The following NTN1 variants were observed in gnomAD, a reference collection of about 807,000 sequenced individuals.
The protein encoded by NTN1 is netrin 1, also known as netrin-1.
Under a neutral mutation model 54.2 loss-of-function variants are expected in NTN1, and 11 were observed. The observed-to-expected ratio is 0.20, with a 90% confidence interval of 0.13 to 0.34. The LOEUF (loss-of-function observed/expected upper bound fraction) is 0.34. NTN1 is among the 10% of genes least tolerant of loss of function. NTN1 has a pLI of 1.00. For synonymous variants in NTN1, 371 were observed against 382.0 expected (o/e 0.97, Z 0.33); for missense variants, 740 against 893.1 (o/e 0.83, Z 2.18).
At chr17:9,077,314 C>T (rs1423083081) in intron 2 of NTN1, among the ~76,000 whole-genome samples, 2 of 152,108 alleles carry the variant, frequency 1.3e-5, no homozygotes, top group African/African-American at 4.8e-5. Flanking sequence ...GTTTGAGGAA[C>T]GGCCCCAGGA....
At chr17:9,068,512 ATTT>A (rs34047213) in intron 2 of NTN1, among the ~76,000 whole-genome samples, 1 of 141,192 alleles carries the variant, frequency 7.1e-6, no homozygotes, top group African/African-American at 2.6e-5. Flanking sequence ...GTATGTGTGA[ATTT>A]TTTTTTTTTT....
At chr17:9,082,285 T>C (rs2092073908) in intron 2 of NTN1, among the ~76,000 whole-genome samples, 1 of 152,212 alleles carries the variant, frequency 6.6e-6, no homozygotes, top group South Asian at 2.1e-4. Flanking sequence ...GGTCTCAAAC[T>C]CCTGACCTCA....
At chr17:9,050,715 G>C (rs933083829) in intron 2 of NTN1, among the ~76,000 whole-genome samples, 4 of 149,256 alleles carry the variant, frequency 2.7e-5, no homozygotes, top group African/African-American at 5.0e-5. Context: ...TCCCAGCTCT[G>C]TCATGTACCA....
chr17:9,202,221 A>G (rs1904820382), intron 5 of NTN1, among the ~76,000 whole-genome samples: 1 of 152,060 alleles, frequency 6.6e-6, no homozygotes, highest in Non-Finnish European at 1.5e-5. Flanking sequence ...AGCCTGGATG[A>G]CAGAGTGAGA....
intron 5 of NTN1, among the ~76,000 whole-genome samples, chr17:9,195,285 CCT>C (rs1327047679): frequency 2.0e-5 from 3 of 151,964 alleles, no homozygotes; most frequent in Non-Finnish European, 2.9e-5. Context: ...CCATTGTTCC[CCT>C]GTCTCTGGGC....
At chr17:9,210,260 C>T (rs1394976250) in intron 5 of NTN1, among the ~76,000 whole-genome samples, 1 of 152,080 alleles carries the variant, frequency 6.6e-6, no homozygotes, top group Non-Finnish European at 1.5e-5. Context: ...CCTGCCCTGC[C>T]TCCTTTGCAC....
In NTN1 at chr17:9,023,267, C is replaced by T. The variant is rs2151506829; in HGVS notation, c.894C>T (p.Arg298=). The change falls in exon 2 of 7, where the codon CGC becomes CGT. Residue 298 remains arginine (R), a synonymous_variant. Transcript: ENST00000173229. ...NGHAARCVRD[R]DDSLVCDCRH... ...ACGCGGCCCGCTGCGTGCGCGACCG[C>T]GACGACAGCCTGGTGTGCGACTGCA... 2.6e-6 allele frequency: 4 copies of T among 1,560,544 alleles called. No individual in the cohort carries two copies. In the African/African-American group the frequency reaches 4.1e-5, roughly 16 times the overall value.
chr17:9,222,761 T>A (rs1905403258), intron 6 of NTN1, among the ~76,000 whole-genome samples: 1 of 152,176 alleles, frequency 6.6e-6, no homozygotes, highest in Non-Finnish European at 1.5e-5. Context: ...GGCCAGCTGC[T>A]TGAACAAGGC....
intron 5 of NTN1, among the ~76,000 whole-genome samples, chr17:9,215,250 T>TACATACACAC: frequency 7.2e-6 from 1 of 138,320 alleles, no homozygotes; most frequent in East Asian, 2.0e-4. Context: ...GCTAGATAGA[T>TACATACACAC]ACACACACAC....
intron 3 of NTN1, among the ~76,000 whole-genome samples, chr17:9,169,046 A>C (rs1298345586): frequency 6.6e-6 from 1 of 152,246 alleles, no homozygotes; most frequent in Non-Finnish European, 1.5e-5. Context: ...TTTCACTCCA[A>C]CTGTGATCTG....
chr17:9,038,652 C>G (rs2091911411), intron 2 of NTN1, among the ~76,000 whole-genome samples: 1 of 152,098 alleles, frequency 6.6e-6, no homozygotes, highest in African/African-American at 2.4e-5. Flanking sequence ...CTTTCTCTAT[C>G]CTCCCTGCTG....
At chr17:9,009,835 G>C in the NTN1 span, among the ~76,000 whole-genome samples, 1 of 152,150 alleles carries the variant, frequency 6.6e-6, no homozygotes, top group African/African-American at 2.4e-5. Flanking sequence ...CCCTAGGTGT[G>C]GCTGAATGAG....
intron 2 of NTN1, among the ~76,000 whole-genome samples, chr17:9,084,006 T>C (rs2092082059): frequency 6.6e-6 from 1 of 152,096 alleles, no homozygotes; most frequent in Non-Finnish European, 1.5e-5. Flanking sequence ...TGAAAAAGCG[T>C]CTATCATGGG....
At chr17:9,170,547 C>A (rs2092384637) in intron 3 of NTN1, among the ~76,000 whole-genome samples, 1 of 152,148 alleles carries the variant, frequency 6.6e-6, no homozygotes, top group Admixed American at 6.5e-5. Context: ...AATGCTGTTG[C>A]ACACTCTCAA....
intron 5 of NTN1, among the ~76,000 whole-genome samples, chr17:9,187,550 G>A (rs1052189193): frequency 1.2e-4 from 17 of 147,210 alleles, no homozygotes; most frequent in Middle Eastern, 3.4e-3. Context: ...GGTGGCTCAC[G>A]CCCATAATCC....
chr17:9,060,924 C>T (rs993958056), intron 2 of NTN1, among the ~76,000 whole-genome samples: 1 of 130,702 alleles, frequency 7.7e-6, no homozygotes, highest in African/African-American at 3.0e-5. Context: ...TGCAGTGAGC[C>T]GAGATTGTAC....
Position 9,086,215 on chromosome 17 carries a change from CAAAT to C in NTN1, c.1018+62827_1018+62830del, listed in dbSNP as rs376411102. Among the ~76,000 whole-genome samples, 123 of 152,128 alleles carry C rather than the reference CAAAT, an allele frequency of 8.1e-4. 4 individuals carry two copies. The East Asian group carries it at 0.017, about 21-fold the overall frequency. On this transcript the variant is annotated intron_variant, in intron 2 of 6. Transcript: ENST00000173229. ...TGGTGTCTTCAAAAATAAAAACTAA[CAAAT>C]AAGCCGAGTGCAGTGGTCCTTGCCT...
chr17:9,225,342 G>A lies in NTN1; in HGVS notation c.1486+4100G>A, dbSNP rs191381360. On this transcript the variant is annotated intron_variant, in intron 6 of 6. Transcript: ENST00000173229. ...AGGCAGGAGGCAGGCCAAGAACAAT[G>A]TCTGGAAAGGGATTTCACGGGCCTC... 3.0e-3 allele frequency among the ~76,000 whole-genome samples: 450 copies of A among 152,260 alleles called. 5 individuals are homozygous for A. Among genetic ancestry groups the A allele is most frequent in the Non-Finnish European group, 2.1e-3 (140 of 67,994 alleles).
chr17:9,222,409 A>G (rs1000755499), intron 6 of NTN1, among the ~76,000 whole-genome samples: 2 of 152,150 alleles, frequency 1.3e-5, no homozygotes, highest in Non-Finnish European at 2.9e-5. Flanking sequence ...GGCTGTCCTA[A>G]TCATATGCTT....
Sources: gnomAD v4.1 joint callset for allele counts (sites outside exome capture counted in the v4.1 genomes callset) on GRCh38, gnomAD v4.1.1 for gene constraint, MANE v1.5 for transcripts, NCBI Gene and HGNC (gene_info 2026-07-23, HGNC 2026-07-21) for gene names.